Variants in EYS observed in about 807,000 individuals in gnomAD.
EYS encodes the protein protein eyes shut homolog.
EYS carries 250 observed loss-of-function variants against 282.1 expected under a neutral mutation model. The observed-to-expected ratio is 0.89, with a 90% CI of 0.80 to 0.98. The LOEUF (loss-of-function observed/expected upper bound fraction) is 0.98, where lower values mean the gene tolerates loss of function less well. Among genes scored for constraint, EYS ranks in the 50% least tolerant of loss-of-function variants. The pLI is 0.00. For synonymous variants in EYS, 1,355 were observed against 1,282.9 expected (o/e 1.06, Z -1.20); for missense variants, 4,016 against 3,709.0 (o/e 1.08, Z -2.15).
chr6:64,312,994 C>T (rs1255846866), intron 29 of EYS, among the ~76,000 whole-genome samples: 1 of 152,186 alleles, frequency 6.6e-6, no homozygotes, highest in Non-Finnish European at 1.5e-5. Flanking sequence ...GATCACAACT[C>T]CTTGCAGCAA....
At chr6:64,907,355 G>A (rs1309137617) in intron 16 of EYS, among the ~76,000 whole-genome samples, 2 of 152,090 alleles carry the variant, frequency 1.3e-5, no homozygotes, top group African/African-American at 4.8e-5. Context: ...TGGCCCTCAA[G>A]TGATATATTT....
intron 12 of EYS, among the ~76,000 whole-genome samples, chr6:65,275,215 T>C (rs1401205659): frequency 6.6e-6 from 1 of 152,188 alleles, no homozygotes; most frequent in Non-Finnish European, 1.5e-5. Flanking sequence ...AACAAAATCT[T>C]GCCATCCGCT....
chr6:63,917,130 A>T (rs778043989), intron 35 of EYS, among the ~76,000 whole-genome samples: 9 of 152,234 alleles, frequency 5.9e-5, no homozygotes, highest in Non-Finnish European at 1.3e-4. Context: ...AGTGTCATGT[A>T]ACTGTGTGTG....
intron 34 of EYS, among the ~76,000 whole-genome samples, chr6:63,986,854 A>G (rs141530973): frequency 4.2e-4 from 63 of 151,790 alleles, no homozygotes; most frequent in African/African-American, 1.5e-3. Context: ...AGGTGATGAA[A>G]TAATCTGTAC....
chr6:65,513,558 C>A (rs558926670), intron 2 of EYS, among the ~76,000 whole-genome samples: 9 of 152,192 alleles, frequency 5.9e-5, no homozygotes, highest in African/African-American at 2.2e-4. Flanking sequence ...ACTGGCAAAC[C>A]AAATCCAGCA....
chr6:65,514,828 A>G (rs993228414), intron 2 of EYS, among the ~76,000 whole-genome samples: 4 of 152,346 alleles, frequency 2.6e-5, no homozygotes, highest in African/African-American at 4.8e-5. Context: ...ACCTAAAACC[A>G]TAAAAACCCT....
At chr6:64,261,695 C>T (rs762100037) in intron 30 of EYS, among the ~76,000 whole-genome samples, 30 of 151,908 alleles carry the variant, frequency 2.0e-4, no homozygotes, top group Non-Finnish European at 3.4e-4. Context: ...GTATGAACTA[C>T]ATTGTTTTGG....
At chr6:63,819,708 C>A (rs191826964) in intron 36 of EYS, among the ~76,000 whole-genome samples, 5 of 152,280 alleles carry the variant, frequency 3.3e-5, no homozygotes, top group Admixed American at 2.6e-4. Context: ...ACTGTGAAGC[C>A]TGTTGTTTAG....
Position 63,999,211 on chromosome 6 carries a change from T to A in EYS, c.6726-28A>T, listed in dbSNP as rs1285157071. ...AAACGTAAAACAGAAGAGGCCATTA[T>A]GATATGTGTTTTTGGCAAGAAAGGA... On this transcript the variant is annotated intron_variant, in intron 33 of 42. Transcript: ENST00000503581. The A allele has an allele frequency of 2.0e-6, 3 of 1,464,366 alleles. No individual in the cohort carries two copies. In the Admixed American group the frequency reaches 5.9e-5, roughly 29 times the overall value. 90.7% of individuals were successfully genotyped at this position (1,464,366 alleles called of 1,614,324 possible).
At chr6:64,584,256 G>A (rs1766160023) in intron 26 of EYS, among the ~76,000 whole-genome samples, 1 of 151,942 alleles carries the variant, frequency 6.6e-6, no homozygotes, top group African/African-American at 2.4e-5. Context: ...GGTTGCATAT[G>A]TGTGGTGTGC....
In EYS at chr6:64,367,610, GA is replaced by G. The variant is rs11406765; in HGVS notation, c.6078+21079del. ...GTGATAAACACCTAGTTGGATTTCA[GA>G]AAAAAAAAAAATTATGGCTGTTATC... is the stretch of plus-strand genomic sequence containing the variant. On this transcript the variant is annotated intron_variant, in intron 29 of 42. Transcript: ENST00000503581. Among the ~76,000 whole-genome samples, 1,307 of 148,920 alleles carry G rather than the reference GA, an allele frequency of 8.8e-3. 13 individuals carry two copies. Among genetic ancestry groups the G allele is most frequent in the African/African-American group, 0.029 (1,174 of 40,754 alleles).
chr6:63,797,528 C>T (rs1346174757), intron 37 of EYS: 3 of 152,124 alleles, frequency 2.0e-5, no homozygotes. Flanking sequence ...TCTTAAAGAG[C>T]ATATAGTCTC....
chr6:65,190,918 C>A (rs543822304), intron 12 of EYS, among the ~76,000 whole-genome samples: 1 of 151,844 alleles, frequency 6.6e-6, no homozygotes, highest in African/African-American at 2.4e-5. Context: ...CCTATGTACT[C>A]TGTAGGATGC....
At chr6:63,805,972 T>A (rs1720872443) in intron 37 of EYS, among the ~76,000 whole-genome samples, 1 of 152,192 alleles carries the variant, frequency 6.6e-6, no homozygotes, top group Admixed American at 6.5e-5. Context: ...GAAAACTGAC[T>A]AATACAGTAG....
intron 13 of EYS, among the ~76,000 whole-genome samples, chr6:65,050,140 A>T (rs1050317506): frequency 6.6e-6 from 1 of 151,172 alleles, no homozygotes; most frequent in African/African-American, 2.4e-5. Context: ...AAAATAAGAG[A>T]AAGGAATAAA....
intron 31 of EYS, among the ~76,000 whole-genome samples, chr6:64,096,263 G>C (rs532686044): frequency 7.9e-5 from 12 of 152,146 alleles, no homozygotes; most frequent in African/African-American, 2.7e-4. Flanking sequence ...ATCTTTGTGG[G>C]ATTCTCTGTA....
intron 41 of EYS, among the ~76,000 whole-genome samples, chr6:63,739,582 C>T (rs1769020230): frequency 6.6e-6 from 1 of 152,152 alleles, no homozygotes; most frequent in African/African-American, 2.4e-5. Flanking sequence ...AAGTGAGTAC[C>T]TCCATTTAGA....
At chr6:63,846,053 C>A (rs548538832) in intron 36 of EYS, among the ~76,000 whole-genome samples, 1 of 152,110 alleles carries the variant, frequency 6.6e-6, no homozygotes, top group Admixed American at 6.6e-5. Flanking sequence ...AAGAAACTGG[C>A]AACATTGTAA....
intron 12 of EYS, among the ~76,000 whole-genome samples, chr6:65,290,373 G>T (rs184136302): frequency 6.6e-6 from 1 of 150,920 alleles, no homozygotes; most frequent in Admixed American, 6.6e-5. Context: ...TACAAAAGAT[G>T]AAAAAAATTG....
Sources: allele counts gnomAD v4.1 joint callset (sites outside exome capture counted in the v4.1 genomes callset), GRCh38; gene constraint gnomAD v4.1.1; transcripts MANE v1.5; gene names NCBI Gene and HGNC (gene_info 2026-07-23, HGNC 2026-07-21).